LRRTM4: variants seen among roughly 807,000 people sequenced by gnomAD.
LRRTM4 encodes leucine rich repeat transmembrane neuronal 4.
In LRRTM4, 25 loss-of-function variants were observed where a neutral mutation model predicts 47.6. The ratio of observed to expected loss-of-function variants is 0.53; its 90% CI spans 0.38 to 0.73. LRRTM4 has a LOEUF of 0.73. LRRTM4 is among the 30% of genes least tolerant of loss of function. The probability of loss-of-function intolerance (pLI) is 0.00; values close to 1 mark genes in which losing one functional copy is unlikely to be tolerated. For missense variants in LRRTM4, 638 were observed against 713.4 expected, an observed-to-expected ratio of 0.89 and a Z score of 1.20; for synonymous variants, 311 against 269.5, an observed-to-expected ratio of 1.15 and a Z score of -1.51.
chr2:77,464,443 TTAATC>T (rs1318116014), intron 3 of LRRTM4, among the ~76,000 whole-genome samples: 1 of 152,142 alleles, frequency 6.6e-6, no homozygotes, highest in Non-Finnish European at 1.5e-5. Flanking sequence ...TATATATAAT[TTAATC>T]TAATATCTCT....
At chr2:77,383,818 T>G (rs1673154513) in intron 3 of LRRTM4, among the ~76,000 whole-genome samples, 1 of 152,034 alleles carries the variant, frequency 6.6e-6, no homozygotes, top group Non-Finnish European at 1.5e-5. Context: ...CTTAAAGACC[T>G]CAAATCTACT....
chr2:76,966,690 G>C (rs1399945261), intron 3 of LRRTM4, among the ~76,000 whole-genome samples: 2 of 151,170 alleles, frequency 1.3e-5, no homozygotes, highest in Admixed American at 1.3e-4. Context: ...TAATCAAATT[G>C]GCTGTCCCAA....
intron 3 of LRRTM4, among the ~76,000 whole-genome samples, chr2:76,893,420 A>G (rs554034819): frequency 2.0e-5 from 3 of 151,764 alleles, no homozygotes; most frequent in Admixed American, 6.6e-5. Flanking sequence ...CATTAATTTT[A>G]AAAGTTAAAA....
chr2:77,480,848 A>AGG (rs1445533742), intron 3 of LRRTM4, among the ~76,000 whole-genome samples: 2 of 147,626 alleles, frequency 1.4e-5, no homozygotes, highest in African/African-American at 5.2e-5. Context: ...AGAGAGAGAG[A>AGG]GAGAGAGAGA....
intron 3 of LRRTM4, among the ~76,000 whole-genome samples, chr2:76,803,910 A>G (rs1475082566): frequency 6.6e-6 from 1 of 152,194 alleles, no homozygotes; most frequent in Admixed American, 6.6e-5. Context: ...GAGGGTACCT[A>G]CATGACTAGC....
chr2:76,896,993 T>C (rs898735239), intron 3 of LRRTM4, among the ~76,000 whole-genome samples: 3 of 151,770 alleles, frequency 2.0e-5, no homozygotes, highest in African/African-American at 7.3e-5. Context: ...TGTTCTAAAT[T>C]TGGGAATGAG....
At chr2:77,238,951 G>A (rs1675185974) in intron 3 of LRRTM4, among the ~76,000 whole-genome samples, 1 of 151,638 alleles carries the variant, frequency 6.6e-6, no homozygotes, top group South Asian at 2.1e-4. Flanking sequence ...AAATGCTAAA[G>A]GACATTCTTA....
At chr2:77,090,406 A>G (rs1441896075) in intron 3 of LRRTM4, among the ~76,000 whole-genome samples, 1 of 152,158 alleles carries the variant, frequency 6.6e-6, no homozygotes, top group Admixed American at 6.5e-5. Context: ...CTCAAAATAC[A>G]TTTTATTACC....
intron 3 of LRRTM4, among the ~76,000 whole-genome samples, chr2:76,969,556 G>T (rs575693538): frequency 6.6e-6 from 1 of 151,794 alleles, no homozygotes; most frequent in Non-Finnish European, 1.5e-5. Flanking sequence ...GGCAAAAACT[G>T]CAGTAACTGT....
At chr2:76,959,405 A>T (rs372745844) in intron 3 of LRRTM4, among the ~76,000 whole-genome samples, 1 of 151,704 alleles carries the variant, frequency 6.6e-6, no homozygotes. Flanking sequence ...GATAAGACTG[A>T]TATCTAATAA....
chr2:77,026,911 T>C (rs934966157), intron 3 of LRRTM4, among the ~76,000 whole-genome samples: 8 of 152,148 alleles, frequency 5.3e-5, no homozygotes, highest in African/African-American at 1.9e-4. Flanking sequence ...CCAGGAAATG[T>C]TATTTTGAAG....
Position 77,435,812 on chromosome 2 carries a change from T to C in LRRTM4, c.1551+82506A>G, listed in dbSNP as rs565269087. Among the ~76,000 whole-genome samples the C allele has an allele frequency of 1.4e-4, 21 of 152,312 alleles. No homozygotes were observed. In the South Asian group the frequency reaches 2.7e-3, roughly 20 times the overall value. ...GTAGGAGGTGGACACAAAACCTTCA[T>C]ATAGCTTCAGTTATATATTCATTCA... On this transcript the variant is annotated intron_variant, in intron 3 of 3. Transcript: ENST00000409884.
chr2:76,947,552 T>C (rs955391790), intron 3 of LRRTM4, among the ~76,000 whole-genome samples: 9 of 151,780 alleles, frequency 5.9e-5, no homozygotes, highest in African/African-American at 2.2e-4. Context: ...TTAAACTCCA[T>C]CTTATCTAAC....
chr2:77,000,471 T>C (rs1363452423), intron 3 of LRRTM4, among the ~76,000 whole-genome samples: 3 of 152,202 alleles, frequency 2.0e-5, no homozygotes, highest in African/African-American at 4.8e-5. Flanking sequence ...GTCAGTTGTA[T>C]CTACAACACG....
At position 77,360,476 on chromosome 2, in the gene LRRTM4, T is replaced by TGATACGATACGATACGATAC. The variant is rs138905032; in HGVS notation, c.1551+157822_1551+157841dup. Among the ~76,000 whole-genome samples the TGATACGATACGATACGATAC allele has an allele frequency of 1.3e-3, 162 of 123,280 alleles. 1 individual carries two copies. Among genetic ancestry groups the TGATACGATACGATACGATAC allele is most frequent in the East Asian group, 4.5e-3 (18 of 3,982 alleles). 80.9% of individuals were successfully genotyped at this position (123,280 alleles called of 152,430 possible). ...CCATCTCAAAAAATACAATACGATATGATACGATACGATACGATACGATAC... is the reference window on the plus strand; with the variant it reads ...CCATCTCAAAAAATACAATACGATATGATACGATACGATACGATACGATACGATACGATACGATACGATAC... On this transcript the variant is annotated intron_variant, in intron 3 of 3. Transcript: ENST00000409884.
chr2:77,171,975 T>C (rs1376093808), intron 3 of LRRTM4, among the ~76,000 whole-genome samples: 1 of 152,160 alleles, frequency 6.6e-6, no homozygotes, highest in East Asian at 1.9e-4. Flanking sequence ...TGTACTCACA[T>C]AGTAGCCAAA....
At chr2:76,923,491 C>T (rs1674497312) in intron 3 of LRRTM4, among the ~76,000 whole-genome samples, 1 of 151,906 alleles carries the variant, frequency 6.6e-6, no homozygotes, top group Admixed American at 6.6e-5. Flanking sequence ...GCTACTGGGT[C>T]CTTTTTCATT....
intron 3 of LRRTM4, among the ~76,000 whole-genome samples, chr2:77,492,884 A>T (rs1678221130): frequency 2.6e-5 from 4 of 152,100 alleles, no homozygotes; most frequent in Admixed American, 2.6e-4. Flanking sequence ...CCCAAATCTC[A>T]TGTTACTAAC....
At chr2:76,789,643 C>T (rs184159982) in intron 3 of LRRTM4, among the ~76,000 whole-genome samples, 6 of 152,162 alleles carry the variant, frequency 3.9e-5, no homozygotes, top group Non-Finnish European at 8.8e-5. Context: ...CCATGGTTCC[C>T]GCTCCCCATT....
Sources: gnomAD v4.1 joint callset for allele counts (sites outside exome capture counted in the v4.1 genomes callset) on GRCh38, gnomAD v4.1.1 for gene constraint, MANE v1.5 for transcripts, NCBI Gene and HGNC (gene_info 2026-07-23, HGNC 2026-07-21) for gene names.